Variants in RBFOX1 observed in about 807,000 individuals in gnomAD.
RBFOX1 encodes RNA binding protein fox-1 homolog 1.
Under a neutral mutation model 57.7 loss-of-function variants are expected in RBFOX1, and 8 were observed. The ratio of observed to expected loss-of-function variants is 0.14; its 90% CI spans 0.08 to 0.25. RBFOX1 has a LOEUF of 0.25. Ranked by LOEUF, RBFOX1 falls within the 10% of genes least tolerant of loss-of-function variation. RBFOX1 has a pLI of 1.00. For missense variants in RBFOX1, 611 were observed against 548.5 expected, an observed-to-expected ratio of 1.11 and a Z score of -1.14; for synonymous variants, 326 against 222.4, an observed-to-expected ratio of 1.47 and a Z score of -4.15.
At position 6,789,504 on chromosome 16, in the gene RBFOX1, G is replaced by T. The variant is rs554801013; in HGVS notation, c.-16+134854G>T. Among the ~76,000 whole-genome samples, 4 of 152,270 alleles carry T rather than the reference G, an allele frequency of 2.6e-5. No homozygotes were observed. In the East Asian group the frequency reaches 7.7e-4, roughly 29 times the overall value. On this transcript the variant is annotated intron_variant, in intron 3 of 15. Transcript: ENST00000550418. ...GAGAGAAGCAGTCATTTCATTCTCA[G>T]TTATTACCTATGCTGGTTGTGCAAA... is the stretch of plus-strand genomic sequence containing the variant.
chr16:6,635,565 T>C (rs141104191), intron 2 of RBFOX1, among the ~76,000 whole-genome samples: 1 of 152,114 alleles, frequency 6.6e-6, no homozygotes, highest in African/African-American at 2.4e-5. Context: ...TAAAAAGAGG[T>C]ATCAATAAAA....
chr16:6,877,758 T>G (rs8063801), intron 3 of RBFOX1, among the ~76,000 whole-genome samples: 2 of 151,958 alleles, frequency 1.3e-5, no homozygotes, highest in African/African-American at 4.8e-5. Context: ...GTAGGACTTT[T>G]AAATTGTATA....
chr16:5,812,191 G>C lies in RBFOX1; in HGVS notation c.319-55112G>C, dbSNP rs7342688. Among the ~76,000 whole-genome samples the C allele has an allele frequency of 2.0e-5, 3 of 152,292 alleles. No individual in the cohort carries two copies. In the South Asian group the frequency reaches 6.2e-4, roughly 32 times the overall value. ...CTACATTGTGTTTATCCATTCACCA[G>C]TTGATAGACACTTGGTTTATTTACA... On this transcript the variant is annotated intron_variant, in intron 3 of 19. Transcript: ENST00000641259.
chr16:6,749,448 C>G (rs1241908689), intron 3 of RBFOX1, among the ~76,000 whole-genome samples: 1 of 152,196 alleles, frequency 6.6e-6, no homozygotes, highest in East Asian at 1.9e-4. Context: ...GCAATTTATA[C>G]TCATAACCGT....
intron 10 of RBFOX1, among the ~76,000 whole-genome samples, chr16:7,619,931 C>G (rs2059050414): frequency 6.6e-6 from 1 of 152,194 alleles, no homozygotes; most frequent in Non-Finnish European, 1.5e-5. Flanking sequence ...AATCCTAGCC[C>G]AGACACCTAT....
intron 4 of RBFOX1, among the ~76,000 whole-genome samples, chr16:7,434,248 G>A (rs1329367463): frequency 6.6e-6 from 1 of 152,082 alleles, no homozygotes. Context: ...AAGGCAGGCA[G>A]ATCACGACTT....
chr16:5,709,077 T>C (rs1465707288), intron 3 of RBFOX1, among the ~76,000 whole-genome samples: 11 of 152,188 alleles, frequency 7.2e-5, no homozygotes, highest in Non-Finnish European at 1.5e-5. Context: ...CCGTGAGTCA[T>C]CACATTCTAC....
chr16:6,547,574 T>A (rs983630082), intron 2 of RBFOX1, among the ~76,000 whole-genome samples: 2 of 152,148 alleles, frequency 1.3e-5, no homozygotes, highest in African/African-American at 4.8e-5. Context: ...TCAGGCAGAA[T>A]AACACCTTTT....
intron 4 of RBFOX1, among the ~76,000 whole-genome samples, chr16:7,153,044 G>T (rs918659510): frequency 2.0e-5 from 3 of 152,066 alleles, no homozygotes; most frequent in Non-Finnish European, 2.9e-5. Flanking sequence ...TTGTCATTTG[G>T]TTAATTATGT....
intron 3 of RBFOX1, among the ~76,000 whole-genome samples, chr16:6,701,668 A>G (rs946860804): frequency 2.0e-5 from 3 of 152,160 alleles, no homozygotes; most frequent in Non-Finnish European, 2.9e-5. Flanking sequence ...ATTACCCAGC[A>G]CTATTCATAA....
intron 3 of RBFOX1, among the ~76,000 whole-genome samples, chr16:5,720,888 T>C (rs576262796): frequency 6.6e-6 from 1 of 152,330 alleles, no homozygotes; most frequent in Non-Finnish European, 1.5e-5. Flanking sequence ...TGTTCTTAGT[T>C]TTCAAGATTG....
intron 4 of RBFOX1, chr16:7,126,313 G>A (rs555259383): frequency 1.6e-5 from 5 of 311,624 alleles, no homozygotes; most frequent in African/African-American, 2.2e-5. Context: ...TTTGGTGGGG[G>A]TCATGGGGCA....
At chr16:7,110,062 C>G (rs1435954845) in intron 4 of RBFOX1, among the ~76,000 whole-genome samples, 1 of 151,708 alleles carries the variant, frequency 6.6e-6, no homozygotes, top group Non-Finnish European at 1.5e-5. Flanking sequence ...ATACTAATCA[C>G]TAAGAATCTC....
chr16:7,310,464 G>A (rs2096282645), intron 4 of RBFOX1, among the ~76,000 whole-genome samples: 1 of 152,148 alleles, frequency 6.6e-6, no homozygotes, highest in East Asian at 1.9e-4. Flanking sequence ...GATCAAAACT[G>A]TAAAAACTGA....
intron 6 of RBFOX1, among the ~76,000 whole-genome samples, chr16:7,580,759 A>G (rs1395647972): frequency 5.3e-5 from 8 of 152,214 alleles, no homozygotes; most frequent in Admixed American, 5.2e-4. Flanking sequence ...CCACCAAAGG[A>G]CAAAGCTGTG....
At chr16:6,676,615 G>A (rs2057738009) in intron 3 of RBFOX1, among the ~76,000 whole-genome samples, 1 of 151,094 alleles carries the variant, frequency 6.6e-6, no homozygotes, top group Non-Finnish European at 1.5e-5. Flanking sequence ...GATACCAGGA[G>A]CCTTTACAGA....
At chr16:6,767,183 A>G (rs926183568) in intron 3 of RBFOX1, among the ~76,000 whole-genome samples, 1 of 152,104 alleles carries the variant, frequency 6.6e-6, no homozygotes, top group Admixed American at 6.5e-5. Context: ...AGAGTTGGGT[A>G]TGGAACCTAA....
intron 3 of RBFOX1, among the ~76,000 whole-genome samples, chr16:5,854,946 G>C (rs1053906399): frequency 6.6e-5 from 10 of 152,092 alleles, no homozygotes; most frequent in African/African-American, 2.2e-4. Context: ...ACCTCATTGT[G>C]GTTTTGATTT....
chr16:6,953,179 C>G (rs1339483639), intron 3 of RBFOX1, among the ~76,000 whole-genome samples: 5 of 152,206 alleles, frequency 3.3e-5, no homozygotes, highest in Admixed American at 6.5e-5. Context: ...TGATCATTCC[C>G]TTATATTTTG....
Sources: allele counts gnomAD v4.1 joint callset (sites outside exome capture counted in the v4.1 genomes callset), GRCh38; gene constraint gnomAD v4.1.1; transcripts MANE v1.5; gene names NCBI Gene and HGNC (gene_info 2026-07-23, HGNC 2026-07-21).